The following ILKAP variants were observed in gnomAD, a reference collection of about 807,000 sequenced individuals.
ILKAP encodes the protein ILK associated serine/threonine phosphatase, also known as integrin-linked kinase-associated serine/threonine phosphatase 2C.
ILKAP carries 11 observed loss-of-function variants against 49.1 expected under a neutral mutation model. The ratio of observed to expected loss-of-function variants is 0.22; its 90% confidence interval spans 0.14 to 0.37. The LOEUF is 0.37. ILKAP is among the 10% of genes least tolerant of loss of function. ILKAP has a pLI of 1.00. For synonymous variants in ILKAP, 186 were observed against 192.8 expected, an observed-to-expected ratio of 0.96 and a Z score of 0.29; for missense variants, 363 against 510.8, an observed-to-expected ratio of 0.71 and a Z score of 2.79.
chr2:238,201,341 C>T (rs1394579007), intron 1 of ILKAP, among the ~76,000 whole-genome samples: 1 of 152,134 alleles, frequency 6.6e-6, no homozygotes, highest in African/African-American at 2.4e-5. Flanking sequence ...AGTACTTATC[C>T]CTCTCAGCTT....
chr2:238,196,043 CAAAAAAA>C (rs71043116), intron 1 of ILKAP, among the ~76,000 whole-genome samples: 1 of 67,868 alleles, frequency 1.5e-5, no homozygotes, highest in Non-Finnish European at 2.4e-5. Context: ...GACTCTGTCA[CAAAAAAA>C]AAAAAAAAAA....
Position 238,203,630 on chromosome 2 carries a change from G to C in ILKAP, c.-77C>G. 1.1e-6 allele frequency: 1 copy of C among 939,768 alleles called. No individual in the cohort carries two copies. The highest frequency in any genetic ancestry group is 1.3e-6 in the Non-Finnish European group (1 of 750,792). The allele number at this position is 939,768 out of a possible 1,614,324, so 58.2% of individuals were successfully genotyped here. A position where few individuals can be genotyped will look rare whatever the true frequency, so the allele number is the denominator to read the frequency against. ...AGCGGCCGGGCTCCACACCCCGGGC[G>C]GGCGGCAGCAGCGGGCGGGCGACGG... On this transcript the variant is annotated 5_prime_UTR_variant, in exon 1 of 12. Transcript: ENST00000254654.
At chr2:238,180,902 C>T (rs1327376884) in intron 9 of ILKAP, among the ~76,000 whole-genome samples, 11 of 152,234 alleles carry the variant, frequency 7.2e-5, no homozygotes, top group African/African-American at 2.4e-4. Flanking sequence ...GTGATGCTTA[C>T]GCTCATGTTA....
intron 9 of ILKAP, among the ~76,000 whole-genome samples, chr2:238,178,002 GATAAACTGAAAACA>G (rs1281394738): frequency 2.6e-5 from 4 of 152,026 alleles, no homozygotes; most frequent in Non-Finnish European, 5.9e-5. Context: ...TTATAAATTG[GATAAACTGAAAACA>G]ATAAACTGAA....
chr2:238,188,436 C>T lies in ILKAP; in HGVS notation c.299-179G>A, dbSNP rs1258904271. The T allele has an allele frequency of 1.6e-5, 11 of 685,598 alleles. No individual in the cohort carries two copies. The East Asian group carries it at 1.8e-4, about 11-fold the overall frequency. The allele number at this position is 685,598 out of a possible 1,614,324, so 42.5% of individuals were successfully genotyped here. ...CCAGCTGCAAGTCTATAACTCAAAT[C>T]GGAGCACTGTTGGACAGGGTGAGCT... On this transcript the variant is annotated intron_variant, in intron 4 of 11. Transcript: ENST00000254654.
chr2:238,190,975 C>A (rs1034942006), intron 3 of ILKAP, among the ~76,000 whole-genome samples: 1 of 148,936 alleles, frequency 6.7e-6, no homozygotes, highest in Non-Finnish European at 1.5e-5. Flanking sequence ...TTGTTTTTGA[C>A]ACAGGGTCTC....
intron 3 of ILKAP, among the ~76,000 whole-genome samples, chr2:238,191,122 T>C (rs1694105120): frequency 1.3e-5 from 2 of 152,028 alleles, no homozygotes; most frequent in South Asian, 4.1e-4. Context: ...ACCCGGCTAA[T>C]TTTTTAATTT....
chr2:238,181,004 GAAACCA>G (rs1693670442), intron 9 of ILKAP, among the ~76,000 whole-genome samples: 1 of 152,228 alleles, frequency 6.6e-6, no homozygotes, highest in Non-Finnish European at 1.5e-5. Flanking sequence ...CTTGAGGCCT[GAAACCA>G]GGCCTATAAT....
intron 9 of ILKAP, among the ~76,000 whole-genome samples, chr2:238,181,825 C>T (rs144907930): frequency 6.1e-4 from 93 of 152,280 alleles, no homozygotes; most frequent in African/African-American, 1.5e-3. Flanking sequence ...AGAGAAAACA[C>T]TGTGAATGGT....
intron 3 of ILKAP, among the ~76,000 whole-genome samples, chr2:238,191,384 T>C (rs950346052): frequency 2.0e-5 from 3 of 152,172 alleles, no homozygotes; most frequent in African/African-American, 7.2e-5. Context: ...AGACATTTCT[T>C]AGTGCTGAGG....
At chr2:238,170,833 G>T in intron 11 of ILKAP, 110 bp downstream of exon 11, 1 of 1,432,760 alleles carries the variant, frequency 7.0e-7, no homozygotes. Flanking sequence ...CACTGAAAAA[G>T]GGCACAAGGG....
chr2:238,182,942 G>A (rs1693756186), intron 8 of ILKAP, among the ~76,000 whole-genome samples: 2 of 152,176 alleles, frequency 1.3e-5, no homozygotes, highest in Admixed American at 1.3e-4. Flanking sequence ...CAGAAGCATC[G>A]TGGGGAGGGG....
intron 3 of ILKAP, among the ~76,000 whole-genome samples, chr2:238,191,032 G>C (rs1694100942): frequency 6.6e-6 from 1 of 152,014 alleles, no homozygotes; most frequent in Non-Finnish European, 1.5e-5. Context: ...ACAGTTTACT[G>C]CAGCCTCCAA....
At chr2:238,173,710 A>G in intron 9 of ILKAP, 57 bp from the exon 10 acceptor site, 1 of 1,563,966 alleles carries the variant, frequency 6.4e-7, no homozygotes, top group Non-Finnish European at 8.7e-7. Flanking sequence ...GGTCCACAGT[A>G]CTTAGAATCT....
chr2:238,188,152 C>T lies in ILKAP; in HGVS notation c.404G>A (p.Cys135Tyr), dbSNP rs754986679. 2 of 1,614,162 alleles carry T rather than the reference C, an allele frequency of 1.2e-6. No individual in the cohort carries two copies. Among genetic ancestry groups the T allele is most frequent in the Non-Finnish European group, 8.5e-7 (1 of 1,180,028 alleles). Residue 135 changes from cysteine to tyrosine, a missense_variant, in exon 5 of 12, where the codon TGT becomes TAT. Physicochemically the swap from Cys to Tyr is radical, Grantham distance 194 (BLOSUM62 -2). Transcript: ENST00000254654. ...HVILNDITEE[C>Y]RPPSSLITRV... ...TCACATGAGGGACGATGGGGGCCTA[C>T]ACTCCTCGGTGATGTCGTTCAGGAT...
At chr2:238,201,764 C>G (rs916986272) in intron 1 of ILKAP, among the ~76,000 whole-genome samples, 7 of 152,092 alleles carry the variant, frequency 4.6e-5, no homozygotes, top group Non-Finnish European at 7.3e-5. Context: ...CAAATGCTGT[C>G]CCAAATATAT....
At chr2:238,189,386 A>G (rs1694031306) in intron 4 of ILKAP, among the ~76,000 whole-genome samples, 1 of 152,222 alleles carries the variant, frequency 6.6e-6, no homozygotes. Context: ...TCTTTAGTTA[A>G]TACTTTTCGT....
rs375397355 is a variant in ILKAP, at chr2:238,194,858, T to C, written c.68A>G (p.Gln23Arg). Residue 23 changes from glutamine (Q) to arginine (R), a missense_variant, in exon 2 of 12, where the codon CAG becomes CGG. By Grantham distance (43) the Gln-to-Arg change is conservative (BLOSUM62 1). Transcript: ENST00000254654. ...SPRPAAGKEA[Q>R]KGPLLFDDLP... ...GTCATCAAAGAGCAGGGGTCCTTTC[T>C]GAGCTTCTTTCCCTAAAACACAGAA... 3.3e-5 allele frequency: 54 copies of C among 1,613,946 alleles called. No homozygotes were observed. Among genetic ancestry groups the C allele is most frequent in the Non-Finnish European group, 4.5e-5 (53 of 1,179,892 alleles).
chr2:238,182,328 G>A (rs574304640), intron 8 of ILKAP, 142 bp from the exon 9 acceptor site: 33 of 989,466 alleles, frequency 3.3e-5, no homozygotes, highest in East Asian at 5.4e-5. Flanking sequence ...GCTGATAAAC[G>A]TAAGTTCAGA....
Sources: gnomAD v4.1 joint callset for allele counts (sites outside exome capture counted in the v4.1 genomes callset) on GRCh38, gnomAD v4.1.1 for gene constraint, MANE v1.5 for transcripts, NCBI Gene and HGNC (gene_info 2026-07-23, HGNC 2026-07-21) for gene names.